Variants in ITM2B observed in about 807,000 individuals in gnomAD.
ITM2B encodes the protein integral membrane protein 2B.
A neutral mutation model predicts 27.8 loss-of-function variants in ITM2B; 11 were observed. That is an observed-to-expected ratio of 0.40 (90% CI 0.25 to 0.66). The LOEUF (loss-of-function observed/expected upper bound fraction) is 0.66. Ranked by LOEUF, ITM2B falls within the 30% of genes least tolerant of loss-of-function variation. ITM2B has a pLI of 0.43. For missense variants in ITM2B, 296 were observed against 328.9 expected, an observed-to-expected ratio of 0.90 and a Z score of 0.77; for synonymous variants, 114 against 114.3, an observed-to-expected ratio of 1.00 and a Z score of 0.02.
rs1256202062 is a variant in ITM2B, at chr13:48,267,710, A to T, written c.*6486A>T. 6.6e-6 allele frequency: 1 copy of T among 152,196 alleles called. No individual in the cohort carries two copies. Among genetic ancestry groups the T allele is most frequent in the Admixed American group, 6.5e-5 (1 of 15,268 alleles). The allele number at this position is 152,196 out of a possible 1,614,324, so 9.4% of individuals were successfully genotyped here. The stretch of plus-strand genomic sequence containing the variant: ...TATTTTAAAATTTAGTGTTAGGAAA[A>T]TTTTTTTCACATAGGATACATGTTA... On this transcript the variant is annotated 3_prime_UTR_variant, in exon 6 of 6. Transcript: ENST00000647800.
chr13:48,250,101 A>G (rs1951745805), intron 1 of ITM2B, among the ~76,000 whole-genome samples: 1 of 152,226 alleles, frequency 6.6e-6, no homozygotes, highest in Non-Finnish European at 1.5e-5. Flanking sequence ...AGTAGGAGCC[A>G]TGTCTTAATC....
chr13:48,254,587 T>G (rs1204144844), intron 2 of ITM2B, among the ~76,000 whole-genome samples: 1 of 152,184 alleles, frequency 6.6e-6, no homozygotes, highest in African/African-American at 2.4e-5. Flanking sequence ...TTTTTTTTTT[T>G]AGGAGTTTTG....
At chr13:48,234,823 T>G (rs898209375) in intron 1 of ITM2B, among the ~76,000 whole-genome samples, 1 of 152,202 alleles carries the variant, frequency 6.6e-6, no homozygotes, top group African/African-American at 2.4e-5. Context: ...CGTATTGGTA[T>G]TGTTTTCCTG....
chr13:48,240,641 C>T lies in ITM2B; in HGVS notation c.117+7164C>T, dbSNP rs75707508. Among the ~76,000 whole-genome samples the T allele has an allele frequency of 6.1e-3, 922 of 152,142 alleles. 13 individuals are homozygous for T. The highest frequency in any genetic ancestry group is 0.021 in the African/African-American group (877 of 41,492). On this transcript the variant is annotated intron_variant, in intron 1 of 5. Transcript: ENST00000647800. ...AACCCTTAGGATTCAGTAGCTGTAC[C>T]GATTTCATTTAAAAATGTTATTTAT...
chr13:48,248,031 A>G (rs1285322335), intron 1 of ITM2B, among the ~76,000 whole-genome samples: 1 of 152,186 alleles, frequency 6.6e-6, no homozygotes, highest in African/African-American at 2.4e-5. Context: ...CTTGTTTTAA[A>G]TTAGGCCAGG....
intron 1 of ITM2B, among the ~76,000 whole-genome samples, chr13:48,244,230 G>A (rs1951713974): frequency 6.6e-6 from 1 of 152,198 alleles, no homozygotes; most frequent in African/African-American, 2.4e-5. Context: ...GAAACATTGT[G>A]TAGCTAGGGA....
At chr13:48,233,889 T>C (rs1223699632) in intron 1 of ITM2B, among the ~76,000 whole-genome samples, 1 of 152,174 alleles carries the variant, frequency 6.6e-6, no homozygotes, top group African/African-American at 2.4e-5. Flanking sequence ...CTGACATCAT[T>C]ACAAGCCTAA....
chr13:48,258,563 G>A (rs967022143), intron 4 of ITM2B, among the ~76,000 whole-genome samples: 5 of 152,152 alleles, frequency 3.3e-5, no homozygotes, highest in Admixed American at 6.5e-5. Context: ...AGCCGGGGGC[G>A]GTGGCTCATG....
intron 1 of ITM2B, among the ~76,000 whole-genome samples, chr13:48,244,364 T>G (rs1435957168): frequency 6.6e-6 from 1 of 152,198 alleles, no homozygotes; most frequent in Non-Finnish European, 1.5e-5. Context: ...GGAGCAACAT[T>G]CAATATTACC....
Position 48,266,489 on chromosome 13 carries a change from C to T in ITM2B, c.*5265C>T, listed in dbSNP as rs529235764. On this transcript the variant is annotated 3_prime_UTR_variant, in exon 6 of 6. Coordinates refer to ENST00000647800, the MANE Select transcript of ITM2B (RefSeq NM_021999.5). ...TCCTCTAGACTATTAGCAAAATGCT[C>T]ATACTGTGTCCTCAGTATTTGGCAC... is the stretch of plus-strand genomic sequence containing the variant. The T allele has an allele frequency of 6.6e-6, 1 of 152,252 alleles. No individual in the cohort carries two copies. The highest frequency in any genetic ancestry group is 2.1e-4 in the South Asian group (1 of 4,826). 9.4% of individuals were successfully genotyped at this position (152,252 alleles called of 1,614,324 possible).
chr13:48,266,265 A>C lies in ITM2B; in HGVS notation c.*5041A>C, dbSNP rs973027541. The C allele has an allele frequency of 6.6e-6, 1 of 152,038 alleles. No individual in the cohort carries two copies. The highest frequency in any genetic ancestry group is 2.4e-5 in the African/African-American group (1 of 41,358). 9.4% of individuals were successfully genotyped at this position (152,038 alleles called of 1,614,324 possible). ...TTCTCTGTTTGCATCCTAGCCTTTT[A>C]GTTTTGGCCTCATATAAGCTTGCAG... On this transcript the variant is annotated 3_prime_UTR_variant, in exon 6 of 6. Coordinates refer to ENST00000647800, the MANE Select transcript of ITM2B (RefSeq NM_021999.5).
chr13:48,259,016 C>A, intron 5 of ITM2B, 69 bp downstream of exon 5: 3 of 1,200,776 alleles, frequency 2.5e-6, no homozygotes, highest in South Asian at 1.3e-5. Flanking sequence ...TTAGGTGAAG[C>A]CTAGTCATTG....
chr13:48,246,103 C>G (rs1225909577), intron 1 of ITM2B, among the ~76,000 whole-genome samples: 1 of 152,118 alleles, frequency 6.6e-6, no homozygotes, highest in Non-Finnish European at 1.5e-5. Context: ...AAAGCCTTCC[C>G]CTGTTCGAAT....
At chr13:48,234,376 C>T (rs1198846278) in intron 1 of ITM2B, among the ~76,000 whole-genome samples, 1 of 152,166 alleles carries the variant, frequency 6.6e-6, no homozygotes, top group Non-Finnish European at 1.5e-5. Context: ...AAAAAGCCCA[C>T]AGCCTCTTAC....
chr13:48,245,875 T>C (rs1951721916), intron 1 of ITM2B, among the ~76,000 whole-genome samples: 2 of 151,868 alleles, frequency 1.3e-5, no homozygotes, highest in Non-Finnish European at 2.9e-5. Flanking sequence ...GTCTCCTGGG[T>C]TCACGCCATT....
chr13:48,233,567 G>T, intron 1 of ITM2B, 90 bp downstream of exon 1: 2 of 788,924 alleles, frequency 2.5e-6, no homozygotes, highest in South Asian at 2.2e-5. Flanking sequence ...CCGAGGTGGC[G>T]GGCGCGGGGC....
chr13:48,233,738 TCC>T (rs1200314690), intron 1 of ITM2B, among the ~76,000 whole-genome samples: 1 of 149,988 alleles, frequency 6.7e-6, no homozygotes, highest in African/African-American at 2.5e-5. Context: ...TGTGCCGAAT[TCC>T]CGGTCGTTTG....
At chr13:48,256,668 T>G (rs1951791092) in intron 3 of ITM2B, among the ~76,000 whole-genome samples, 1 of 152,230 alleles carries the variant, frequency 6.6e-6, no homozygotes. Context: ...TTTTCTTAGA[T>G]AAGAGGTAAT....
Position 48,256,323 on chromosome 13 carries a change from T to C in ITM2B, c.393T>C (p.Ser131=). The C allele has an allele frequency of 1.2e-6, 2 of 1,614,072 alleles. No individual in the cohort carries two copies. The highest frequency in any genetic ancestry group is 2.2e-5 in the South Asian group (2 of 91,088). ...AAGAAGAAGAAGTTGAATTTATCAG[T>C]GTGCCTGTCCCAGAGTTTGCAGATA... ...IFEEEEVEFI[S]VPVPEFADSD... Residue 131 remains serine (S), a synonymous_variant, in exon 3 of 6, where the codon AGT becomes AGC. Transcript: ENST00000647800.
Sources: allele counts gnomAD v4.1 joint callset (sites outside exome capture counted in the v4.1 genomes callset), GRCh38; gene constraint gnomAD v4.1.1; transcripts MANE v1.5; gene names NCBI Gene and HGNC (gene_info 2026-07-23, HGNC 2026-07-21).